Variants in MACROD2 observed in about 807,000 individuals in gnomAD.
MACROD2 encodes mono-ADP ribosylhydrolase 2.
A neutral mutation model predicts 70.4 loss-of-function variants in MACROD2; 36 were observed. That is an observed-to-expected ratio of 0.51 (90% confidence interval 0.39 to 0.68). The LOEUF (loss-of-function observed/expected upper bound fraction) is 0.68, where lower values mean the gene tolerates loss of function less well. Ranked by LOEUF, MACROD2 falls within the 30% of genes least tolerant of loss-of-function variation. The pLI, the probability that MACROD2 is intolerant of heterozygous loss-of-function variation, is 0.00. For synonymous variants in MACROD2, 172 were observed against 178.8 expected (o/e 0.96, Z 0.30); for missense variants, 496 against 538.4 (o/e 0.92, Z 0.78).
chr20:14,000,008 G>C (rs1555909482), intron 1 of MACROD2, among the ~76,000 whole-genome samples: 1 of 152,012 alleles, frequency 6.6e-6, no homozygotes, highest in Non-Finnish European at 1.5e-5. Flanking sequence ...GCAAGACTCT[G>C]TCTCAAGAAA....
At chr20:15,702,792 C>T (rs2050479302) in intron 8 of MACROD2, among the ~76,000 whole-genome samples, 1 of 152,014 alleles carries the variant, frequency 6.6e-6, no homozygotes, top group South Asian at 2.1e-4. Flanking sequence ...TTCTAAAGTT[C>T]ATATGGAACT....
rs540822466 is a variant in MACROD2, at chr20:15,682,249, A to G, written c.646-180496A>G. The stretch of plus-strand genomic sequence containing the variant: ...CGTAAAAGTAGGAACCCACATTTCA[A>G]CCATTTCTTCTTGTTTTTGAGGATT... On this transcript the variant is annotated intron_variant, in intron 8 of 17. Coordinates refer to ENST00000684519, the MANE Select transcript of MACROD2 (RefSeq NM_001351661.2). Among the ~76,000 whole-genome samples, 14 of 152,300 alleles carry G rather than the reference A, an allele frequency of 9.2e-5. No individual in the cohort carries two copies. In the South Asian group the frequency reaches 2.5e-3, roughly 27 times the overall value.
chr20:14,239,158 G>C (rs1205798219), intron 3 of MACROD2, among the ~76,000 whole-genome samples: 2 of 151,882 alleles, frequency 1.3e-5, no homozygotes, highest in Admixed American at 1.3e-4. Flanking sequence ...TAGGAATACA[G>C]TTAACTATAG....
intron 12 of MACROD2, among the ~76,000 whole-genome samples, chr20:15,950,629 AC>A (rs2065891061): frequency 1.3e-5 from 2 of 152,292 alleles, no homozygotes; most frequent in South Asian, 2.1e-4. Context: ...ATGCTGGAAA[AC>A]GGCACTTCCT....
At chr20:15,208,746 A>G (rs908214920) in intron 5 of MACROD2, among the ~76,000 whole-genome samples, 2 of 152,212 alleles carry the variant, frequency 1.3e-5, no homozygotes, top group East Asian at 3.9e-4. Flanking sequence ...GAGGGGAAAC[A>G]TTGTCTTGTT....
chr20:14,968,636 A>C (rs1050002429), intron 5 of MACROD2, among the ~76,000 whole-genome samples: 2 of 152,224 alleles, frequency 1.3e-5, no homozygotes, highest in Non-Finnish European at 2.9e-5. Context: ...GTTCAAGCAC[A>C]GACTGGGGGG....
chr20:14,394,522 A>T (rs530507479), intron 3 of MACROD2, among the ~76,000 whole-genome samples: 2 of 152,178 alleles, frequency 1.3e-5, no homozygotes, highest in South Asian at 4.1e-4. Context: ...TCTTCTACAT[A>T]GTTATGTTTT....
intron 4 of MACROD2, among the ~76,000 whole-genome samples, chr20:14,609,611 A>G (rs2123424716): frequency 6.6e-6 from 1 of 152,184 alleles, no homozygotes. Context: ...CTAATTTTTG[A>G]AATACCAAAT....
chr20:15,779,469 A>G (rs1179366395), intron 8 of MACROD2, among the ~76,000 whole-genome samples: 1 of 152,178 alleles, frequency 6.6e-6, no homozygotes, highest in Non-Finnish European at 1.5e-5. Context: ...TCAACCAATA[A>G]CAGTTTGAAA....
At chr20:15,856,435 C>T (rs2064357322) in intron 8 of MACROD2, among the ~76,000 whole-genome samples, 1 of 152,112 alleles carries the variant, frequency 6.6e-6, no homozygotes, top group Non-Finnish European at 1.5e-5. Flanking sequence ...TTTGCAAAAC[C>T]ATCTAGGTTT....
chr20:14,800,970 C>T (rs1312017545), intron 5 of MACROD2, among the ~76,000 whole-genome samples: 1 of 152,066 alleles, frequency 6.6e-6, no homozygotes, highest in Non-Finnish European at 1.5e-5. Flanking sequence ...TCCATTTCAC[C>T]CATAATTTAG....
chr20:14,324,655 A>T (rs1378866988), intron 3 of MACROD2: 1 of 152,134 alleles, frequency 6.6e-6, no homozygotes, highest in Non-Finnish European at 1.5e-5. Flanking sequence ...AAACATCATA[A>T]ACACTAACAA....
At chr20:14,525,020 C>T (rs1173194111) in intron 4 of MACROD2, among the ~76,000 whole-genome samples, 1 of 152,094 alleles carries the variant, frequency 6.6e-6, no homozygotes, top group African/African-American at 2.4e-5. Flanking sequence ...GTTGAAAACG[C>T]AGGGTGATAT....
intron 3 of MACROD2, among the ~76,000 whole-genome samples, chr20:14,453,964 A>G (rs1237024720): frequency 1.3e-5 from 2 of 151,870 alleles, no homozygotes; most frequent in Non-Finnish European, 2.9e-5. Flanking sequence ...CTATTACATT[A>G]TGTTTTAAAT....
chr20:15,790,887 A>T (rs1429226966), intron 8 of MACROD2, among the ~76,000 whole-genome samples: 3 of 151,948 alleles, frequency 2.0e-5, no homozygotes, highest in Non-Finnish European at 4.4e-5. Context: ...CAGTTTAATT[A>T]TATACAGAAA....
rs187031779 is a variant in MACROD2 at position 14,987,922 on chromosome 20, G to C, written c.419-242018G>C. Among the ~76,000 whole-genome samples the C allele has an allele frequency of 2.6e-3, 399 of 152,260 alleles. 1 individual carries two copies. Among genetic ancestry groups the C allele is most frequent in the Non-Finnish European group, 5.1e-3 (349 of 68,016 alleles). ...TTCATTGCTTGCCTGAATTCAAGGAGAAAGAAGTCTTCAGAGTGAAGCTCT... is the reference window on the plus strand; with the variant it reads ...TTCATTGCTTGCCTGAATTCAAGGACAAAGAAGTCTTCAGAGTGAAGCTCT... On this transcript the variant is annotated intron_variant, in intron 5 of 17. Coordinates refer to ENST00000684519, the MANE Select transcript of MACROD2 (RefSeq NM_001351661.2).
chr20:15,189,299 G>A (rs2076554359), intron 5 of MACROD2, among the ~76,000 whole-genome samples: 1 of 150,860 alleles, frequency 6.6e-6, no homozygotes, highest in Non-Finnish European at 1.5e-5. Flanking sequence ...TAAAATTCTA[G>A]AAATACTTAT....
At chr20:14,182,879 C>G (rs2081315903) in intron 3 of MACROD2, among the ~76,000 whole-genome samples, 1 of 151,786 alleles carries the variant, frequency 6.6e-6, no homozygotes, top group South Asian at 2.1e-4. Context: ...TCTCATCATT[C>G]ACACTGCAGA....
Position 16,049,961 on chromosome 20 carries a change from G to A in MACROD2, c.*85G>A. On this transcript the variant is annotated 3_prime_UTR_variant, in exon 18 of 18. Coordinates refer to ENST00000684519, the MANE Select transcript of MACROD2 (RefSeq NM_001351661.2). ...CACGCTGTGGAGGAGGGTGGGGGTGGGGGGAAGGCAAGTCCCATGGAAGGA... is the reference window on the plus strand; with the variant it reads ...CACGCTGTGGAGGAGGGTGGGGGTGAGGGGAAGGCAAGTCCCATGGAAGGA... 1 of 441,280 alleles carries A rather than the reference G, an allele frequency of 2.3e-6. No homozygotes were observed. Among genetic ancestry groups the A allele is most frequent in the Non-Finnish European group, 4.2e-6 (1 of 236,958 alleles). The allele number at this position is 441,280 out of a possible 1,614,324, so 27.3% of individuals were successfully genotyped here.
Sources: gnomAD v4.1 joint callset for allele counts (sites outside exome capture counted in the v4.1 genomes callset) on GRCh38, gnomAD v4.1.1 for gene constraint, MANE v1.5 for transcripts, NCBI Gene and HGNC (gene_info 2026-07-23, HGNC 2026-07-21) for gene names.